MGA: variants seen among roughly 807,000 people sequenced by gnomAD.
MGA encodes MAX gene-associated protein.
A neutral mutation model predicts 261.1 loss-of-function variants in MGA; 40 were observed. That is an observed-to-expected ratio of 0.15 (90% CI 0.12 to 0.20). The LOEUF (loss-of-function observed/expected upper bound fraction) is 0.20. Among genes scored for constraint, MGA ranks in the 10% least tolerant of loss-of-function variants. MGA has a pLI of 1.00. For missense variants in MGA, 3,397 were observed against 3,630.5 expected, an observed-to-expected ratio of 0.94 and a Z score of 1.65; for synonymous variants, 1,302 against 1,290.6, an observed-to-expected ratio of 1.01 and a Z score of -0.19.
chr15:41,718,475 G>A, intron 9 of MGA: 1 of 741,814 alleles, frequency 1.3e-6, no homozygotes, highest in Non-Finnish European at 2.4e-6. Context: ...CAATTTGTGA[G>A]TCCACAGCTT....
chr15:41,741,034 A>G (rs938143823), intron 14 of MGA, among the ~76,000 whole-genome samples: 3 of 152,088 alleles, frequency 2.0e-5, no homozygotes, highest in Non-Finnish European at 4.4e-5. Context: ...GTGAAGATAG[A>G]AGATATTTAT....
intron 7 of MGA, among the ~76,000 whole-genome samples, chr15:41,710,356 C>CA (rs1167817654): frequency 2.6e-5 from 4 of 152,274 alleles, no homozygotes; most frequent in African/African-American, 9.6e-5. Context: ...ATCTGAGACT[C>CA]ATTCTCTTCA....
At chr15:41,660,983 G>T (rs2057366432) in intron 1 of MGA, among the ~76,000 whole-genome samples, 1 of 152,356 alleles carries the variant, frequency 6.6e-6, no homozygotes, top group South Asian at 2.1e-4. Flanking sequence ...AACTCCAAGG[G>T]AAACGGTGTC....
At chr15:41,765,117 C>T in intron 23 of MGA, 55 bp downstream of exon 23, 1 of 1,571,256 alleles carries the variant, frequency 6.4e-7, no homozygotes, top group Non-Finnish European at 8.8e-7. Flanking sequence ...CCTAACATCT[C>T]ACGGTGACCA....
rs781481811 is a variant in MGA, at chr15:41,669,664, G to A, written c.770G>A (p.Gly257Asp). The change falls in exon 2 of 24, where the codon GGC becomes GAC. Residue 257 changes from glycine to aspartate, a missense_variant. Transcript: ENST00000219905. ...ATAGATTACAATCCATTTGCCAAAG[G>A]CTTTCGGGATGATGGGCTGAATAAT... 1 of 1,613,768 alleles carries A rather than the reference G, an allele frequency of 6.2e-7. No individual in the cohort carries two copies. Among genetic ancestry groups the A allele is most frequent in the Admixed American group, 1.7e-5 (1 of 59,938 alleles).
chr15:41,634,751 G>A (rs1264563130), intron 1 of MGA, among the ~76,000 whole-genome samples: 2 of 152,066 alleles, frequency 1.3e-5, no homozygotes, highest in Non-Finnish European at 2.9e-5. Flanking sequence ...TTCAGGGAGC[G>A]TTTGGTTAGA....
In MGA at chr15:41,769,602, A is replaced by C. The variant is rs1179689804; in HGVS notation, c.*2322A>C. ...TACCCTTTAACCTTACCCTAGGGGGAACTGATCTATGAATATTACATGTGT... is the reference window on the plus strand; with the variant it reads ...TACCCTTTAACCTTACCCTAGGGGGCACTGATCTATGAATATTACATGTGT... On this transcript the variant is annotated 3_prime_UTR_variant, in exon 24 of 24. Coordinates refer to ENST00000219905, the MANE Select transcript of MGA (RefSeq NM_001164273.2). The C allele has an allele frequency of 6.6e-6, 1 of 152,512 alleles. No individual in the cohort carries two copies. The highest frequency in any genetic ancestry group is 2.4e-5 in the African/African-American group (1 of 41,390). 9.4% of individuals were successfully genotyped at this position (152,512 alleles called of 1,614,324 possible).
chr15:41,727,009 A>G (rs1335392315), intron 9 of MGA, among the ~76,000 whole-genome samples, 171 bp from the exon 10 acceptor site: 4 of 152,212 alleles, frequency 2.6e-5, no homozygotes, highest in Admixed American at 6.5e-5. Flanking sequence ...TGAATAAATG[A>G]AAGTATATAA....
intron 13 of MGA, 57 bp downstream of exon 13, chr15:41,736,755 T>C (rs1415158805): frequency 6.8e-7 from 1 of 1,465,432 alleles, no homozygotes; most frequent in African/African-American, 1.4e-5. Context: ...GGTAGTATCA[T>C]GATTTTTCAG....
At position 41,736,653 on chromosome 15, in the gene MGA, G is replaced by A. The variant is rs1393314261; in HGVS notation, c.4389G>A (p.Val1463=). 1 of 1,613,600 alleles carries A rather than the reference G, an allele frequency of 6.2e-7. No individual in the cohort carries two copies. The highest frequency in any genetic ancestry group is 8.5e-7 in the Non-Finnish European group (1 of 1,179,732). ...GGCTTTCTCCTGCAGGGAAGCTTGT[G>A]GCCTATAAACGTAAACCCAGTTCAA... Residue 1463 remains valine (V), a synonymous_variant, in exon 13 of 24, where the codon GTG becomes GTA. Coordinates refer to ENST00000219905, the MANE Select transcript of MGA (RefSeq NM_001164273.2).
intron 19 of MGA, among the ~76,000 whole-genome samples, chr15:41,758,358 C>A (rs2063262059): frequency 6.6e-6 from 1 of 151,942 alleles, no homozygotes; most frequent in Non-Finnish European, 1.5e-5. Flanking sequence ...TTGTTTTCCA[C>A]TTGTTTTTCT....
intron 9 of MGA, among the ~76,000 whole-genome samples, chr15:41,714,469 A>G (rs181910412): frequency 6.6e-6 from 1 of 152,258 alleles, no homozygotes; most frequent in African/African-American, 2.4e-5. Context: ...ATGTCACTAG[A>G]CTTGTGCCAA....
chr15:41,692,550 ATCT>A (rs1439562232), intron 2 of MGA, among the ~76,000 whole-genome samples: 22 of 152,312 alleles, frequency 1.4e-4, no homozygotes, highest in East Asian at 1.2e-3. Context: ...GAGAAGGCTG[ATCT>A]TCTTCTGTAA....
At chr15:41,728,991 G>T (rs1460158177) in intron 10 of MGA, among the ~76,000 whole-genome samples, 173 bp from the exon 11 acceptor site, 1 of 152,152 alleles carries the variant, frequency 6.6e-6, no homozygotes, top group Non-Finnish European at 1.5e-5. Flanking sequence ...GATCCTTTCT[G>T]ACTGCCCTAA....
chr15:41,746,365 A>T (rs1421626100), intron 15 of MGA, among the ~76,000 whole-genome samples: 1 of 152,000 alleles, frequency 6.6e-6, no homozygotes, highest in Non-Finnish European at 1.5e-5. Context: ...ACATGGTGAA[A>T]CCCTGTCTCT....
chr15:41,756,309 A>G (rs1012502784), intron 18 of MGA, among the ~76,000 whole-genome samples: 2 of 152,250 alleles, frequency 1.3e-5, no homozygotes, highest in African/African-American at 2.4e-5. Context: ...CAGCAAACAC[A>G]TGTACATTTG....
In MGA at chr15:41,727,375, C is replaced by T. The variant is rs779913336; in HGVS notation, c.3626C>T (p.Pro1209Leu). ...AAACTGCTCACTGGAATTAAATCTC[C>T]ACGGTCATATACTCCCAAACCCAAT... Residue 1209 changes from proline (P) to leucine (L), a missense_variant, in exon 10 of 24, where the codon CCA becomes CTA. This residue lies in a region of MGA where 519 missense variants were observed against 554.1 expected (regional missense o/e 0.94). Coordinates refer to ENST00000219905, the MANE Select transcript of MGA (RefSeq NM_001164273.2). The T allele has an allele frequency of 1.9e-6, 3 of 1,613,948 alleles. No individual in the cohort carries two copies. Among genetic ancestry groups the T allele is most frequent in the East Asian group, 2.2e-5 (1 of 44,880 alleles).
At chr15:41,660,631 C>G (rs1392154516) in intron 1 of MGA, 106 bp downstream of exon 1, 1 of 152,648 alleles carries the variant, frequency 6.6e-6, no homozygotes, top group Non-Finnish European at 1.5e-5. Context: ...AAACGTTCCG[C>G]TGAGAGAGCT....
intron 11 of MGA, among the ~76,000 whole-genome samples, chr15:41,733,084 G>A (rs117797670): frequency 0.038 from 5,739 of 152,122 alleles, 155 homozygotes; most frequent in Non-Finnish European, 0.056. Flanking sequence ...TCAGTCTCCC[G>A]AGTAGCTGGC....
Sources: gnomAD v4.1 joint callset for allele counts (sites outside exome capture counted in the v4.1 genomes callset) on GRCh38, gnomAD v4.1.1 for gene constraint, gnomAD v4.1.1 regional missense constraint, MANE v1.5 for transcripts, NCBI Gene and HGNC (gene_info 2026-07-23, HGNC 2026-07-21) for gene names.